The following PCDH15 variants were observed in gnomAD, a reference collection of about 807,000 sequenced individuals.
PCDH15 encodes the protein protocadherin related 15, also known as protocadherin-15.
PCDH15 carries 129 observed loss-of-function variants against 178.5 expected under a neutral mutation model. That is an observed-to-expected ratio of 0.72 (90% CI 0.63 to 0.84). The LOEUF is 0.84. Among genes scored for constraint, PCDH15 ranks in the 40% least tolerant of loss-of-function variants. PCDH15 has a pLI of 0.00. For missense variants in PCDH15, 2,230 were observed against 2,099.9 expected (o/e 1.06, Z -1.21); for synonymous variants, 800 against 732.0 (o/e 1.09, Z -1.50).
intron 2 of PCDH15, among the ~76,000 whole-genome samples, chr10:54,591,905 G>A (rs941195913): frequency 1.4e-4 from 22 of 151,972 alleles, no homozygotes; most frequent in African/African-American, 5.3e-4. Context: ...TCCCAACTAC[G>A]CTCAACATGA....
chr10:55,550,255 T>A (rs1225279475), intron 2 of PCDH15, among the ~76,000 whole-genome samples: 1 of 152,186 alleles, frequency 6.6e-6, no homozygotes, highest in African/African-American at 2.4e-5. Context: ...ACTTTAGTGT[T>A]GTAAAAATGA....
intron 14 of PCDH15, among the ~76,000 whole-genome samples, chr10:54,144,693 G>A (rs2043738864): frequency 6.6e-6 from 1 of 152,136 alleles, no homozygotes; most frequent in Non-Finnish European, 1.5e-5. Flanking sequence ...TGCATGGTTA[G>A]CAGCAGGACC....
intron 1 of PCDH15, among the ~76,000 whole-genome samples, chr10:55,262,963 A>C (rs961137760): frequency 6.6e-6 from 1 of 152,166 alleles, no homozygotes; most frequent in African/African-American, 2.4e-5. Context: ...TCAGAGCCCC[A>C]CAGCCTGCCC....
chr10:54,491,324 GA>G (rs2079568053), intron 3 of PCDH15, among the ~76,000 whole-genome samples: 1 of 131,228 alleles, frequency 7.6e-6, no homozygotes, highest in African/African-American at 2.8e-5. Context: ...AAAAAAGAAA[GA>G]AAAGTTAAAA....
chr10:54,754,729 A>G (rs564081749), intron 1 of PCDH15, among the ~76,000 whole-genome samples: 1 of 152,158 alleles, frequency 6.6e-6, no homozygotes, highest in African/African-American at 2.4e-5. Flanking sequence ...TTTTTTCAGA[A>G]TGCATTATTT....
At chr10:53,866,464 T>G (rs1315292283) in intron 27 of PCDH15, among the ~76,000 whole-genome samples, 178 bp downstream of exon 27, 1 of 149,524 alleles carries the variant, frequency 6.7e-6, no homozygotes, top group Non-Finnish European at 1.5e-5. Context: ...TATATATATA[T>G]ATATGAACAA....
At chr10:54,514,431 CTG>C (rs1264681081) in intron 3 of PCDH15, among the ~76,000 whole-genome samples, 4 of 151,506 alleles carry the variant, frequency 2.6e-5, no homozygotes, top group Non-Finnish European at 5.9e-5. Context: ...TAATAATTAT[CTG>C]TTAATTTTAA....
At chr10:54,553,607 A>G (rs1302348995) in intron 2 of PCDH15, among the ~76,000 whole-genome samples, 2 of 152,202 alleles carry the variant, frequency 1.3e-5, no homozygotes, top group African/African-American at 2.4e-5. Flanking sequence ...TCCTAGAGCC[A>G]GCTCTGGAAT....
chr10:54,947,161 T>A (rs1838217929), intron 2 of PCDH15, among the ~76,000 whole-genome samples: 1 of 151,898 alleles, frequency 6.6e-6, no homozygotes, highest in African/African-American at 2.4e-5. Context: ...TAAGACGTAA[T>A]AAGACATAAC....
chr10:54,703,782 A>C (rs2095338121), intron 1 of PCDH15, among the ~76,000 whole-genome samples: 1 of 152,064 alleles, frequency 6.6e-6, no homozygotes, highest in African/African-American at 2.4e-5. Flanking sequence ...TCAATACTGT[A>C]AAAAGTGCAA....
intron 3 of PCDH15, among the ~76,000 whole-genome samples, chr10:54,520,777 C>T (rs975707400): frequency 3.3e-5 from 5 of 150,104 alleles, no homozygotes; most frequent in East Asian, 2.0e-4. Flanking sequence ...ATGTTTATTG[C>T]GGCATTATTC....
intron 2 of PCDH15, among the ~76,000 whole-genome samples, chr10:55,056,421 C>A (rs116845313): frequency 1.9e-3 from 282 of 151,784 alleles, no homozygotes; most frequent in Non-Finnish European, 3.4e-3. Context: ...TATTAAAATC[C>A]TATTTTAATG....
chr10:54,908,297 G>C (rs1302218892), intron 2 of PCDH15, among the ~76,000 whole-genome samples: 1 of 152,104 alleles, frequency 6.6e-6, no homozygotes, highest in Non-Finnish European at 1.5e-5. Context: ...GCAACTCCAG[G>C]TGCTGGCACA....
intron 2 of PCDH15, among the ~76,000 whole-genome samples, chr10:55,135,954 T>C (rs1838185226): frequency 6.6e-6 from 1 of 152,114 alleles, no homozygotes; most frequent in Non-Finnish European, 1.5e-5. Flanking sequence ...TACGTGTGGG[T>C]TGGGTGCAGG....
chr10:54,950,234 G>A (rs1008154540), intron 2 of PCDH15, among the ~76,000 whole-genome samples: 4 of 151,986 alleles, frequency 2.6e-5, no homozygotes, highest in Admixed American at 2.6e-4. Flanking sequence ...AGAAGTCAAA[G>A]GGGGAAGCAA....
At chr10:54,173,721 G>A (rs546401844) in intron 13 of PCDH15, among the ~76,000 whole-genome samples, 6 of 152,114 alleles carry the variant, frequency 3.9e-5, no homozygotes, top group Non-Finnish European at 8.8e-5. Context: ...GATAGAAAAA[G>A]AAGAAAAGTA....
chr10:55,498,724 C>A (rs923616841), intron 2 of PCDH15, among the ~76,000 whole-genome samples: 1 of 151,780 alleles, frequency 6.6e-6, no homozygotes, highest in Admixed American at 6.6e-5. Flanking sequence ...CTGACAGTGA[C>A]CTTTGTGATA....
chr10:54,001,644 A>T (rs2092140121), intron 20 of PCDH15, among the ~76,000 whole-genome samples: 1 of 152,182 alleles, frequency 6.6e-6, no homozygotes, highest in Non-Finnish European at 1.5e-5. Flanking sequence ...GAAGACAGGA[A>T]GGAAAGAAAG....
intron 3 of PCDH15, among the ~76,000 whole-genome samples, chr10:54,443,288 T>C (rs1365302412): frequency 6.6e-6 from 1 of 151,654 alleles, no homozygotes; most frequent in Non-Finnish European, 1.5e-5. Context: ...GATCTTTTTC[T>C]GACCTGTTCC....
Sources: gnomAD v4.1 joint callset for allele counts (sites outside exome capture counted in the v4.1 genomes callset) on GRCh38, gnomAD v4.1.1 for gene constraint, MANE v1.5 for transcripts, NCBI Gene and HGNC (gene_info 2026-07-23, HGNC 2026-07-21) for gene names.